Variants in SEMA6A observed in about 807,000 individuals in gnomAD.
The protein encoded by SEMA6A is semaphorin-6A.
In SEMA6A, 25 loss-of-function variants were observed where a neutral mutation model predicts 96.8. The observed-to-expected ratio is 0.26, with a 90% confidence interval of 0.19 to 0.36. The LOEUF is 0.36. Ranked by LOEUF, SEMA6A falls within the 10% of genes least tolerant of loss-of-function variation. The pLI, the probability that SEMA6A is intolerant of heterozygous loss-of-function variation, is 1.00. For synonymous variants in SEMA6A, 612 were observed against 518.0 expected (o/e 1.18, Z -2.46); for missense variants, 1,363 against 1,323.1 (o/e 1.03, Z -0.47).
At chr5:116,482,143 A>C (rs931912404) in intron 11 of SEMA6A, among the ~76,000 whole-genome samples, 1 of 152,166 alleles carries the variant, frequency 6.6e-6, no homozygotes, top group Non-Finnish European at 1.5e-5. Context: ...AACTTGTACA[A>C]TACCCTTTAC....
chr5:116,514,578 T>A (rs915650392), intron 1 of SEMA6A, among the ~76,000 whole-genome samples: 1 of 152,170 alleles, frequency 6.6e-6, no homozygotes, highest in Non-Finnish European at 1.5e-5. Context: ...TTAAGAAAAC[T>A]GAGGTCCAAA....
In SEMA6A at chr5:116,539,794, A is replaced by G. The variant is rs1580493262; in HGVS notation, c.-39+34391T>C. Among the ~76,000 whole-genome samples, 6 of 152,228 alleles carry G rather than the reference A, an allele frequency of 3.9e-5. No homozygotes were observed. In the South Asian group the frequency reaches 1.2e-3, roughly 32 times the overall value. ...CAGTTCAGATACTTTACATTTAATT[A>G]TTATTTTACTTCTGGCCTGAACTTT... On this transcript the variant is annotated intron_variant, in intron 1 of 18. Transcript: ENST00000343348.
intron 1 of SEMA6A, among the ~76,000 whole-genome samples, chr5:116,544,527 G>C (rs1280949515): frequency 6.6e-6 from 1 of 151,852 alleles, no homozygotes; most frequent in African/African-American, 2.4e-5. Flanking sequence ...TCAAGTTCCT[G>C]GGCTCAAGTG....
rs375171737 is a variant in SEMA6A at position 116,488,988 on chromosome 5, G to A, written c.555C>T (p.Ala185=). The change falls in exon 8 of 19, where the codon GCC becomes GCT. Residue 185 remains alanine, a synonymous_variant. Transcript: ENST00000343348. ...ALFADGKLYS[A]TVTDFLAIDA... is the part of the protein sequence containing the mutation. ...CAATGGCAAGGAAGTCAGTCACTGTGGCTGAGTATAGTTTTCCATCTTAGA... is the reference window on the plus strand; with the variant it reads ...CAATGGCAAGGAAGTCAGTCACTGTAGCTGAGTATAGTTTTCCATCTTAGA... The A allele has an allele frequency of 2.1e-5, 33 of 1,573,724 alleles. No homozygotes were observed. The highest frequency in any genetic ancestry group is 2.8e-5 in the Non-Finnish European group (32 of 1,158,064).
chr5:116,462,065 C>T (rs1033893986), intron 18 of SEMA6A, among the ~76,000 whole-genome samples: 2 of 152,028 alleles, frequency 1.3e-5, no homozygotes, highest in African/African-American at 4.8e-5. Context: ...TTTCTCTGTC[C>T]ATAAAATCAC....
At chr5:116,514,295 TC>T (rs1758564206) in intron 1 of SEMA6A, among the ~76,000 whole-genome samples, 1 of 152,136 alleles carries the variant, frequency 6.6e-6, no homozygotes, top group African/African-American at 2.4e-5. Context: ...CTAGTATCTG[TC>T]GTTTTTTTAC....
At chr5:116,509,265 C>G (rs1375885968) in intron 1 of SEMA6A, among the ~76,000 whole-genome samples, 1 of 152,168 alleles carries the variant, frequency 6.6e-6, no homozygotes, top group Non-Finnish European at 1.5e-5. Flanking sequence ...TTTAACAACT[C>G]CAAGTGTGGG....
At chr5:116,492,301 TA>T (rs34404636) in intron 6 of SEMA6A, 3,623 of 125,236 alleles carry the variant, frequency 0.029, 117 homozygotes, top group African/African-American at 0.086. Flanking sequence ...GTAACTAACC[TA>T]AAAAAAAAAA....
intron 1 of SEMA6A, among the ~76,000 whole-genome samples, chr5:116,570,395 C>T (rs542870781): frequency 2.2e-4 from 33 of 152,306 alleles, no homozygotes; most frequent in Non-Finnish European, 4.3e-4. Flanking sequence ...CAAGGCATCA[C>T]CTTCCTCAAC....
intron 17 of SEMA6A, 141 bp from the exon 18 acceptor site, chr5:116,467,888 G>C: frequency 1.8e-6 from 1 of 540,612 alleles, no homozygotes; most frequent in East Asian, 3.8e-5. Flanking sequence ...GCTTAGTGGT[G>C]GTGGTGGTGG....
chr5:116,476,248 T>A (rs1756440899), intron 15 of SEMA6A, among the ~76,000 whole-genome samples: 1 of 152,224 alleles, frequency 6.6e-6, no homozygotes, highest in African/African-American at 2.4e-5. Context: ...ACAAGCAACA[T>A]GACATTAACA....
At chr5:116,449,320 C>G in intron 18 of SEMA6A, 1 of 702,370 alleles carries the variant, frequency 1.4e-6, no homozygotes, top group African/African-American at 1.7e-5. Context: ...AAGGTACCTT[C>G]TCTGGTCTCG....
chr5:116,455,227 C>T (rs950415074), intron 18 of SEMA6A, among the ~76,000 whole-genome samples: 1 of 152,084 alleles, frequency 6.6e-6, no homozygotes, highest in Non-Finnish European at 1.5e-5. Context: ...AATGGCATTG[C>T]CAATGGGAGT....
intron 18 of SEMA6A, among the ~76,000 whole-genome samples, chr5:116,462,184 G>A (rs73270746): frequency 0.02 from 3,001 of 152,190 alleles, 101 homozygotes; most frequent in African/African-American, 0.068. Flanking sequence ...GTGTTAAAAT[G>A]TAAGAGTAAC....
rs1437259609 is a variant in SEMA6A at position 116,563,003 on chromosome 5, G to A, written c.-39+11182C>T. 18 of 546,836 alleles carry A rather than the reference G, an allele frequency of 3.3e-5. 1 individual carries two copies. The highest frequency in any genetic ancestry group is 8.8e-5 in the South Asian group (6 of 67,864). 33.9% of individuals were successfully genotyped at this position (546,836 alleles called of 1,614,324 possible). ...CGCAGGAAGGGGGGTCGCCGTGGTCGCCATCTGTGAACAAGACAAGACTCC... is the reference window on the plus strand; with the variant it reads ...CGCAGGAAGGGGGGTCGCCGTGGTCACCATCTGTGAACAAGACAAGACTCC... On this transcript the variant is annotated intron_variant, in intron 1 of 18. Coordinates refer to ENST00000343348, the MANE Select transcript of SEMA6A (RefSeq NM_020796.5).
chr5:116,553,298 C>T (rs914512592), intron 1 of SEMA6A, among the ~76,000 whole-genome samples: 5 of 152,042 alleles, frequency 3.3e-5, no homozygotes, highest in African/African-American at 1.2e-4. Context: ...TCAGTGAAAC[C>T]ACCTCTGAAC....
chr5:116,447,095 C>A lies in SEMA6A; in HGVS notation c.2611G>T (p.Val871Leu). The change falls in exon 19 of 19, where the codon GTG (valine) becomes TTG (leucine). Residue 871 changes from valine (V) to leucine (L), a missense_variant. Physicochemically the swap from Val to Leu is conservative, Grantham distance 32. This residue lies in a region of SEMA6A where 883 missense variants were observed against 763.6 expected (regional missense o/e 1.16). Coordinates refer to ENST00000343348, the MANE Select transcript of SEMA6A (RefSeq NM_020796.5). ...GGGGGCAGGCTGTCCAGGTTCTCCA[C>A]AAGGTTCACCCCATGGTTGGGACTC... ...SKSPNHGVNL[V>L]ENLDSLPPKV... The A allele has an allele frequency of 6.2e-7, 1 of 1,613,978 alleles. No individual in the cohort carries two copies. Among genetic ancestry groups the A allele is most frequent in the Non-Finnish European group, 8.5e-7 (1 of 1,179,896 alleles).
intron 1 of SEMA6A, among the ~76,000 whole-genome samples, chr5:116,573,260 C>G (rs1487101679): frequency 6.6e-6 from 1 of 152,186 alleles, no homozygotes. Flanking sequence ...GTCTGGGTTT[C>G]AAACCCAGGG....
At chr5:116,492,443 C>G (rs1305115516) in intron 6 of SEMA6A, 1 of 152,186 alleles carries the variant, frequency 6.6e-6, no homozygotes, top group Non-Finnish European at 1.5e-5. Flanking sequence ...GAAAACTAAC[C>G]CTTGAAGCAG....
Sources: allele counts gnomAD v4.1 joint callset (sites outside exome capture counted in the v4.1 genomes callset), GRCh38; gene constraint gnomAD v4.1.1; regional missense constraint gnomAD v4.1.1; transcripts MANE v1.5; gene names NCBI Gene and HGNC (gene_info 2026-07-23, HGNC 2026-07-21).